The following RELN variants were observed in gnomAD, a reference collection of about 807,000 sequenced individuals.
The protein encoded by RELN is reelin.
RELN carries 108 observed loss-of-function variants against 427.6 expected under a neutral mutation model. That is an observed-to-expected ratio of 0.25 (90% CI 0.22 to 0.30). The LOEUF is 0.30. Ranked by LOEUF, RELN falls within the 10% of genes least tolerant of loss-of-function variation. The pLI is 1.00. For synonymous variants in RELN, 1,524 were observed against 1,513.4 expected, an observed-to-expected ratio of 1.01 and a Z score of -0.16; for missense variants, 3,715 against 4,302.8, an observed-to-expected ratio of 0.86 and a Z score of 3.82.
At chr7:103,967,841 A>G (rs1446381574) in intron 1 of RELN, among the ~76,000 whole-genome samples, 1 of 152,240 alleles carries the variant, frequency 6.6e-6, no homozygotes, top group African/African-American at 2.4e-5. Flanking sequence ...TTCAAGGTCC[A>G]TACCGGAACC....
In RELN at chr7:103,610,774, A is replaced by G; in HGVS notation, c.2929T>C (p.Phe977Leu). The G allele has an allele frequency of 6.2e-7, 1 of 1,611,450 alleles. No homozygotes were observed. The highest frequency in any genetic ancestry group is 8.5e-7 in the Non-Finnish European group (1 of 1,177,738). The change falls in exon 22 of 65, where the codon TTT becomes CTT. Residue 977 changes from phenylalanine (F) to leucine (L), a missense_variant. By Grantham distance (22) the Phe-to-Leu change is conservative (BLOSUM62 0). Transcript: ENST00000428762. Reference protein sequence around the residue: ...CLPSMPSCQEFTSASIYHASE... With the variant: ...CLPSMPSCQELTSASIYHASE... The stretch of plus-strand genomic sequence containing the variant: ...GCATGGTAAATACTTGCTGATGTAA[A>G]TTCCTGACAACTTGGCATACTTGGA...
chr7:103,912,204 T>C (rs560333446), intron 2 of RELN, among the ~76,000 whole-genome samples: 1 of 151,792 alleles, frequency 6.6e-6, no homozygotes, highest in East Asian at 1.9e-4. Flanking sequence ...CTTTAAGCTT[T>C]TTTTTTTTTG....
At chr7:103,724,044 T>A (rs980243879) in intron 7 of RELN, among the ~76,000 whole-genome samples, 8 of 152,176 alleles carry the variant, frequency 5.3e-5, no homozygotes, top group Non-Finnish European at 1.0e-4. Context: ...AAATTAAGGT[T>A]CTCATTTTGC....
intron 5 of RELN, among the ~76,000 whole-genome samples, chr7:103,750,532 C>G (rs537339736): frequency 6.6e-6 from 1 of 152,148 alleles, no homozygotes; most frequent in Non-Finnish European, 1.5e-5. Flanking sequence ...CCATGGCTTC[C>G]AAGAGACTGC....
chr7:103,760,597 G>T (rs1030742893), intron 4 of RELN, among the ~76,000 whole-genome samples: 4 of 151,898 alleles, frequency 2.6e-5, no homozygotes, highest in Non-Finnish European at 4.4e-5. Context: ...TCAGGAGGTG[G>T]TAAATGAGCT....
intron 22 of RELN, among the ~76,000 whole-genome samples, chr7:103,606,396 G>A (rs1410961932): frequency 6.6e-6 from 1 of 152,180 alleles, no homozygotes; most frequent in Non-Finnish European, 1.5e-5. Context: ...TGGGGGACAA[G>A]GCCCCCAGGA....
At chr7:103,859,588 C>T (rs571842992) in intron 2 of RELN, among the ~76,000 whole-genome samples, 5 of 152,214 alleles carry the variant, frequency 3.3e-5, no homozygotes, top group East Asian at 3.9e-4. Flanking sequence ...CCACGGCACC[C>T]GGCCAAAGGT....
At chr7:103,908,894 T>C (rs1177553173) in intron 2 of RELN, among the ~76,000 whole-genome samples, 2 of 152,220 alleles carry the variant, frequency 1.3e-5, no homozygotes, top group African/African-American at 4.8e-5. Flanking sequence ...GTAATTTGTT[T>C]AATTAATCTG....
At chr7:103,543,672 T>TATAAA (rs2117136416) in intron 42 of RELN, among the ~76,000 whole-genome samples, 1 of 152,126 alleles carries the variant, frequency 6.6e-6, no homozygotes, top group African/African-American at 2.4e-5. Flanking sequence ...TAAAATAAAA[T>TATAAA]ATAAAATAAA....
intron 4 of RELN, 125 bp downstream of exon 4, chr7:103,776,432 C>A: frequency 1.1e-6 from 1 of 943,822 alleles, no homozygotes; most frequent in Admixed American, 1.8e-5. Context: ...TACGAAGGGT[C>A]AATACTTACA....
chr7:103,684,075 G>A (rs1016252921), intron 10 of RELN, among the ~76,000 whole-genome samples: 5 of 152,108 alleles, frequency 3.3e-5, no homozygotes. Context: ...TGTAAAACTG[G>A]GGATGGTCTT....
chr7:103,937,510 T>C (rs948161502), intron 1 of RELN, among the ~76,000 whole-genome samples: 3 of 152,254 alleles, frequency 2.0e-5, no homozygotes, highest in African/African-American at 7.2e-5. Context: ...ATCTAAAGGA[T>C]GATGTGATCT....
chr7:103,766,731 C>T (rs533975400), intron 4 of RELN, among the ~76,000 whole-genome samples: 15 of 152,326 alleles, frequency 9.8e-5, no homozygotes, highest in African/African-American at 2.6e-4. Context: ...CCTACCACCA[C>T]GATCCAAGGG....
At chr7:103,735,547 C>T (rs1403664110) in intron 6 of RELN, among the ~76,000 whole-genome samples, 2 of 152,052 alleles carry the variant, frequency 1.3e-5, no homozygotes, top group African/African-American at 4.8e-5. Context: ...TTTGCACAAC[C>T]AGAGATTTAT....
At chr7:103,842,209 A>G (rs889311994) in intron 2 of RELN, among the ~76,000 whole-genome samples, 22 of 151,812 alleles carry the variant, frequency 1.4e-4, no homozygotes, top group Middle Eastern at 3.2e-3. Context: ...TTTCCTTTTC[A>G]TCATTTGCTC....
At chr7:103,749,841 TCCCTAC>T (rs1204103399) in intron 5 of RELN, among the ~76,000 whole-genome samples, 3 of 152,202 alleles carry the variant, frequency 2.0e-5, no homozygotes, top group African/African-American at 7.2e-5. Flanking sequence ...CTTGGCTGTG[TCCCTAC>T]CCAAATTCCA....
At chr7:103,770,586 G>A (rs1475285361) in intron 4 of RELN, among the ~76,000 whole-genome samples, 2 of 152,126 alleles carry the variant, frequency 1.3e-5, no homozygotes, top group African/African-American at 2.4e-5. Context: ...CTGATTTGGA[G>A]AGAGGGAGAG....
chr7:103,769,921 G>A (rs1394879368), intron 4 of RELN, among the ~76,000 whole-genome samples: 1 of 152,094 alleles, frequency 6.6e-6, no homozygotes, highest in Non-Finnish European at 1.5e-5. Flanking sequence ...ATCAATTACA[G>A]CAGTAGCCTT....
chr7:103,523,332 C>A (rs1829751628), intron 47 of RELN, 59 bp downstream of exon 47: 2 of 1,605,768 alleles, frequency 1.2e-6, no homozygotes, highest in South Asian at 2.2e-5. Flanking sequence ...ACAGAAAAAT[C>A]TCCTAGATGG....
Sources: gnomAD v4.1 joint callset for allele counts (sites outside exome capture counted in the v4.1 genomes callset) on GRCh38, gnomAD v4.1.1 for gene constraint, MANE v1.5 for transcripts, NCBI Gene and HGNC (gene_info 2026-07-23, HGNC 2026-07-21) for gene names.